Variants in ATP6V0D2 observed in about 807,000 individuals in gnomAD.
ATP6V0D2 encodes V-type proton ATPase subunit d 2.
A neutral mutation model predicts 40.0 loss-of-function variants in ATP6V0D2; 40 were observed. The observed-to-expected ratio is 1.00, with a 90% confidence interval of 0.78 to 1.30. The LOEUF is 1.30. ATP6V0D2 is among the 50% of genes most tolerant of loss of function. ATP6V0D2 has a pLI of 0.00. For synonymous variants in ATP6V0D2, 179 were observed against 156.3 expected, an observed-to-expected ratio of 1.15 and a Z score of -1.08; for missense variants, 470 against 423.1, an observed-to-expected ratio of 1.11 and a Z score of -0.97.
At chr8:86,129,578 G>A (rs1245727182) in intron 2 of ATP6V0D2, among the ~76,000 whole-genome samples, 3 of 152,080 alleles carry the variant, frequency 2.0e-5, no homozygotes, top group South Asian at 2.1e-4. Flanking sequence ...TTGGGAGGCC[G>A]AGGCCTGCAG....
At chr8:86,152,713 C>A in intron 7 of ATP6V0D2, 103 bp from the exon 8 acceptor site, 1 of 1,164,942 alleles carries the variant, frequency 8.6e-7, no homozygotes, top group Non-Finnish European at 1.2e-6. Context: ...CCTGTTTAAA[C>A]ACAAATAAGC....
intron 1 of ATP6V0D2, 114 bp downstream of exon 1, chr8:86,099,222 C>A: frequency 8.6e-7 from 1 of 1,169,518 alleles, no homozygotes; most frequent in Non-Finnish European, 1.1e-6. Flanking sequence ...GAGTTCTGAG[C>A]AGATCCTTAT....
intron 2 of ATP6V0D2, among the ~76,000 whole-genome samples, chr8:86,114,491 G>T (rs934088507): frequency 5.3e-5 from 8 of 152,020 alleles, no homozygotes; most frequent in African/African-American, 1.7e-4. Context: ...CCAATATGGC[G>T]AAACCCCATC....
At chr8:86,128,039 G>A (rs557336026) in intron 2 of ATP6V0D2, among the ~76,000 whole-genome samples, 5 of 151,924 alleles carry the variant, frequency 3.3e-5, no homozygotes, top group Admixed American at 6.5e-5. Context: ...CTATGATTGC[G>A]CCACTTGGGT....
At position 86,100,951 on chromosome 8, in the gene ATP6V0D2, G is replaced by A. The variant is rs190072614; in HGVS notation, c.130+1843G>A. ...ATATAAAGAATTCTAGGCCTGGAGA[G>A]GTGGCTCATGCCTGTAAAACCCCGT... On this transcript the variant is annotated intron_variant, in intron 1 of 7. Coordinates refer to ENST00000285393, the MANE Select transcript of ATP6V0D2 (RefSeq NM_152565.1). Among the ~76,000 whole-genome samples, 3 of 151,946 alleles carry A rather than the reference G, an allele frequency of 2.0e-5. No homozygotes were observed. In the East Asian group the frequency reaches 5.8e-4, roughly 29 times the overall value.
intron 3 of ATP6V0D2, 28 bp downstream of exon 3, chr8:86,139,663 T>C (rs2130272268): frequency 6.5e-7 from 1 of 1,529,840 alleles, no homozygotes; most frequent in Non-Finnish European, 8.8e-7. Flanking sequence ...ATTTTGTAGC[T>C]GCTTGTGTAT....
At chr8:86,148,899 C>A (rs905311083) in intron 5 of ATP6V0D2, among the ~76,000 whole-genome samples, 30 of 151,370 alleles carry the variant, frequency 2.0e-4, no homozygotes, top group African/African-American at 7.1e-4. Context: ...TGGCAAAATC[C>A]CGTCTCTACA....
intron 6 of ATP6V0D2, among the ~76,000 whole-genome samples, chr8:86,151,010 G>A (rs1819142065): frequency 6.6e-6 from 1 of 152,200 alleles, no homozygotes. Context: ...CATCTCATAT[G>A]TAATTGCGTG....
intron 2 of ATP6V0D2, among the ~76,000 whole-genome samples, chr8:86,134,835 C>G (rs1252687340): frequency 2.0e-5 from 3 of 152,168 alleles, no homozygotes; most frequent in African/African-American, 7.2e-5. Context: ...TGGAATACTA[C>G]TCACCAATAA....
chr8:86,113,634 A>T, intron 1 of ATP6V0D2, 75 bp from the exon 2 acceptor site: 1 of 1,286,086 alleles, frequency 7.8e-7, no homozygotes, highest in Non-Finnish European at 1.1e-6. Context: ...AATTAGCATG[A>T]ATTCAACTAA....
intron 1 of ATP6V0D2, among the ~76,000 whole-genome samples, chr8:86,106,231 C>T (rs753153340): frequency 1.1e-4 from 17 of 152,100 alleles, no homozygotes; most frequent in Non-Finnish European, 2.1e-4. Context: ...CTCCTAGGCT[C>T]AAGTGATCCT....
chr8:86,103,508 C>T (rs1477782438), intron 1 of ATP6V0D2, among the ~76,000 whole-genome samples: 3 of 151,882 alleles, frequency 2.0e-5, no homozygotes, highest in Admixed American at 6.6e-5. Flanking sequence ...AACAATGGTG[C>T]CCCCCTGTCA....
chr8:86,106,110 G>GT (rs1818467801), intron 1 of ATP6V0D2, among the ~76,000 whole-genome samples: 1 of 151,572 alleles, frequency 6.6e-6, no homozygotes, highest in African/African-American at 2.4e-5. Context: ...TTAACATGGT[G>GT]CTTTTTTTTT....
chr8:86,139,377 G>T (rs2466326), intron 2 of ATP6V0D2, 80 bp from the exon 3 acceptor site: 1 of 1,218,160 alleles, frequency 8.2e-7, no homozygotes, highest in Non-Finnish European at 1.2e-6. Flanking sequence ...TGTACCTAAA[G>T]AGTGTGTGTT....
chr8:86,099,099 A>G lies in ATP6V0D2; in HGVS notation c.121A>G (p.Thr41Ala), dbSNP rs1283393629. ...QDYINLVQCE[T>A]LEDLKIHLQT... ...CTATATCAACCTGGTCCAGTGTGAG[A>G]CCCTAGAAGGTAAGTGTAGCTCTTC... is the stretch of plus-strand genomic sequence containing the variant. The change falls in exon 1 of 8, where the codon ACC (threonine) becomes GCC (alanine). Residue 41 changes from threonine (T) to alanine (A), a missense_variant. Transcript: ENST00000285393. 1 of 1,611,766 alleles carries G rather than the reference A, an allele frequency of 6.2e-7. No homozygotes were observed.
At chr8:86,118,026 CT>C (rs767761169) in intron 2 of ATP6V0D2, among the ~76,000 whole-genome samples, 14 of 108,468 alleles carry the variant, frequency 1.3e-4, no homozygotes, top group Non-Finnish European at 1.7e-4. Flanking sequence ...TTCTTTCTTT[CT>C]TTTTTTTTCT....
At chr8:86,125,771 T>C (rs76867489) in intron 2 of ATP6V0D2, among the ~76,000 whole-genome samples, 2,034 of 152,226 alleles carry the variant, frequency 0.013, 59 homozygotes, top group African/African-American at 0.045. Flanking sequence ...AATATAAATA[T>C]GCATAGTTGG....
At chr8:86,110,646 A>C (rs1818518815) in intron 1 of ATP6V0D2, among the ~76,000 whole-genome samples, 1 of 152,220 alleles carries the variant, frequency 6.6e-6, no homozygotes, top group South Asian at 2.1e-4. Context: ...CAGAGGTTAC[A>C]ATCACTGGCT....
At chr8:86,142,415 C>T (rs989542755) in intron 4 of ATP6V0D2, among the ~76,000 whole-genome samples, 3 of 152,152 alleles carry the variant, frequency 2.0e-5, no homozygotes, top group South Asian at 2.1e-4. Context: ...TTAGCTAAAA[C>T]GTATTAGAGT....
Sources: gnomAD v4.1 joint callset for allele counts (sites outside exome capture counted in the v4.1 genomes callset) on GRCh38, gnomAD v4.1.1 for gene constraint, MANE v1.5 for transcripts, NCBI Gene and HGNC (gene_info 2026-07-23, HGNC 2026-07-21) for gene names.